The following RASGRP1 variants were observed in gnomAD, a reference collection of about 807,000 sequenced individuals.
The protein encoded by RASGRP1 is RAS guanyl releasing protein 1.
RASGRP1 carries 37 observed loss-of-function variants against 95.1 expected under a neutral mutation model. The ratio of observed to expected loss-of-function variants is 0.39; its 90% CI spans 0.30 to 0.51. The LOEUF is 0.51. Ranked by LOEUF, RASGRP1 falls within the 20% of genes least tolerant of loss-of-function variation. RASGRP1 has a pLI of 0.80. For missense variants in RASGRP1, 711 were observed against 965.4 expected, an observed-to-expected ratio of 0.74 and a Z score of 3.49; for synonymous variants, 325 against 353.4, an observed-to-expected ratio of 0.92 and a Z score of 0.90.
intron 2 of RASGRP1, among the ~76,000 whole-genome samples, chr15:38,528,878 AG>A (rs1462275484): frequency 2.0e-5 from 3 of 152,160 alleles, no homozygotes; most frequent in Non-Finnish European, 2.9e-5. Context: ...TCAACGTCTA[AG>A]TTCAGACTTA....
chr15:38,499,087 T>C (rs1428235784), intron 14 of RASGRP1, 141 bp from the exon 15 acceptor site: 3 of 1,141,740 alleles, frequency 2.6e-6, no homozygotes, highest in South Asian at 1.2e-5. Context: ...ACATTCCTAA[T>C]GAAGCTAGCA....
At chr15:38,506,799 C>T (rs934770392) in intron 9 of RASGRP1, among the ~76,000 whole-genome samples, 13 of 152,088 alleles carry the variant, frequency 8.5e-5, no homozygotes, top group Non-Finnish European at 1.8e-4. Flanking sequence ...AAATAAATGG[C>T]TTATGTACAT....
intron 1 of RASGRP1, among the ~76,000 whole-genome samples, chr15:38,560,904 T>G (rs1893780622): frequency 6.6e-6 from 1 of 152,230 alleles, no homozygotes; most frequent in African/African-American, 2.4e-5. Context: ...TCTCTGGTCA[T>G]GACCTCATCA....
chr15:38,499,078 C>G (rs777670771), intron 14 of RASGRP1, 132 bp from the exon 15 acceptor site: 3 of 1,229,474 alleles, frequency 2.4e-6, no homozygotes, highest in Non-Finnish European at 1.2e-6. Flanking sequence ...AGACACTTAA[C>G]ATTCCTAATG....
chr15:38,540,445 G>C (rs1017970916), intron 2 of RASGRP1, among the ~76,000 whole-genome samples: 3 of 152,188 alleles, frequency 2.0e-5, no homozygotes, highest in South Asian at 2.1e-4. Context: ...AGGAAAGAGT[G>C]AAATGCATTT....
At chr15:38,511,087 T>C (rs1307217360) in intron 8 of RASGRP1, among the ~76,000 whole-genome samples, 1 of 152,240 alleles carries the variant, frequency 6.6e-6, no homozygotes, top group East Asian at 1.9e-4. Context: ...TAAAACATTA[T>C]GTATTACAAA....
intron 13 of RASGRP1, among the ~76,000 whole-genome samples, chr15:38,500,530 G>GAGA (rs1233268785): frequency 6.6e-6 from 1 of 151,844 alleles, no homozygotes; most frequent in Non-Finnish European, 1.5e-5. Flanking sequence ...ATTTTTAGTA[G>GAGA]AGACGGGTTT....
At chr15:38,532,432 T>A (rs1037432636) in intron 2 of RASGRP1, among the ~76,000 whole-genome samples, 5 of 152,138 alleles carry the variant, frequency 3.3e-5, no homozygotes, top group African/African-American at 1.2e-4. Context: ...TGCAGACCAC[T>A]TGCTCAAGAA....
At chr15:38,539,971 C>T (rs907445484) in intron 2 of RASGRP1, among the ~76,000 whole-genome samples, 2 of 152,138 alleles carry the variant, frequency 1.3e-5, no homozygotes, top group Non-Finnish European at 2.9e-5. Flanking sequence ...GGCCGGAGTG[C>T]AGTGGTATAA....
At chr15:38,554,652 C>A (rs1273266093) in intron 2 of RASGRP1, among the ~76,000 whole-genome samples, 5 of 152,164 alleles carry the variant, frequency 3.3e-5, no homozygotes, top group African/African-American at 1.2e-4. Flanking sequence ...GATGCCTGCT[C>A]ATCAAAGATG....
chr15:38,547,908 A>C (rs1422025464), intron 2 of RASGRP1, among the ~76,000 whole-genome samples: 1 of 150,730 alleles, frequency 6.6e-6, no homozygotes, highest in East Asian at 2.0e-4. Flanking sequence ...AGAGTATTAC[A>C]TTCTCTTACT....
intron 6 of RASGRP1, among the ~76,000 whole-genome samples, chr15:38,515,137 A>G (rs1407938707): frequency 6.6e-6 from 1 of 152,224 alleles, no homozygotes; most frequent in Non-Finnish European, 1.5e-5. Context: ...CCTGATTTGC[A>G]GGTCTCCTTC....
intron 3 of RASGRP1, among the ~76,000 whole-genome samples, chr15:38,521,611 A>T (rs1477753467): frequency 6.6e-6 from 1 of 152,192 alleles, no homozygotes; most frequent in Non-Finnish European, 1.5e-5. Flanking sequence ...CAGCACATGC[A>T]GGCTAAATAG....
At chr15:38,504,080 A>G (rs557724067) in intron 10 of RASGRP1, 28 of 152,330 alleles carry the variant, frequency 1.8e-4, no homozygotes, top group African/African-American at 5.5e-4. Flanking sequence ...AAAGGTAAAA[A>G]TATGGTATAG....
intron 1 of RASGRP1, among the ~76,000 whole-genome samples, chr15:38,563,304 G>T (rs1051889553): frequency 6.6e-6 from 1 of 152,126 alleles, no homozygotes; most frequent in African/African-American, 2.4e-5. Context: ...AAATACAGTA[G>T]CCAAATGTTT....
Position 38,490,397 on chromosome 15 carries a change from C to T in RASGRP1, c.*157G>A, listed in dbSNP as rs1566905130. 4.2e-6 allele frequency: 3 copies of T among 714,132 alleles called. No homozygotes were observed. Among genetic ancestry groups the T allele is most frequent in the Non-Finnish European group, 6.1e-6 (3 of 493,908 alleles). 44.2% of individuals were successfully genotyped at this position (714,132 alleles called of 1,614,324 possible). A position where few individuals can be genotyped will look rare whatever the true frequency, so the allele number is the denominator to read the frequency against. ...AACTGAAAGAGAAAACAGTGCTGCACATTAGGAATCTTTTAGGTAAATAAA... is the reference window on the plus strand; with the variant it reads ...AACTGAAAGAGAAAACAGTGCTGCATATTAGGAATCTTTTAGGTAAATAAA... On this transcript the variant is annotated 3_prime_UTR_variant, in exon 17 of 17. Coordinates refer to ENST00000310803, the MANE Select transcript of RASGRP1 (RefSeq NM_005739.4).
chr15:38,505,730 A>C, intron 10 of RASGRP1, 110 bp downstream of exon 10: 1 of 836,176 alleles, frequency 1.2e-6, no homozygotes, highest in Admixed American at 2.2e-5. Context: ...ACTAAGAAAA[A>C]CAGTACATGT....
chr15:38,538,815 G>GT (rs926092244), intron 2 of RASGRP1, among the ~76,000 whole-genome samples: 1 of 152,144 alleles, frequency 6.6e-6, no homozygotes, highest in African/African-American at 2.4e-5. Context: ...TAAGAAAAAA[G>GT]TGTTAATATC....
At position 38,545,967 on chromosome 15, in the gene RASGRP1, C is replaced by A. The variant is rs549222974; in HGVS notation, c.220+13854G>T. Among the ~76,000 whole-genome samples, 56 of 152,258 alleles carry A rather than the reference C, an allele frequency of 3.7e-4. No homozygotes were observed. The South Asian group carries it at 0.011, about 30-fold the overall frequency. On this transcript the variant is annotated intron_variant, in intron 2 of 16. Coordinates refer to ENST00000310803, the MANE Select transcript of RASGRP1 (RefSeq NM_005739.4). ...ATTCATGGGAAAATTTAAATTATAACACTCTCTTCTAGTCTCATAGCTGTT... is the reference window on the plus strand; with the variant it reads ...ATTCATGGGAAAATTTAAATTATAAAACTCTCTTCTAGTCTCATAGCTGTT...
Sources: allele counts gnomAD v4.1 joint callset (sites outside exome capture counted in the v4.1 genomes callset), GRCh38; gene constraint gnomAD v4.1.1; transcripts MANE v1.5; gene names NCBI Gene and HGNC (gene_info 2026-07-23, HGNC 2026-07-21).